Variants in CYLC1 observed in about 807,000 individuals in gnomAD.
CYLC1 encodes the protein cylicin 1, also known as cylicin-1.
Under a neutral mutation model 31.6 loss-of-function variants are expected in CYLC1, and 2 were observed. That is an observed-to-expected ratio of 0.06 (90% CI 0.03 to 0.20). CYLC1 has a LOEUF of 0.20. CYLC1 is among the 10% of genes least tolerant of loss of function. CYLC1 has a pLI of 1.00. For synonymous variants in CYLC1, 185 were observed against 153.0 expected (o/e 1.21, Z -1.54); for missense variants, 595 against 424.1 (o/e 1.40, Z -3.54).
At chrX:83,876,481 TA>T (rs2031761122) in intron 4 of CYLC1, among the ~76,000 whole-genome samples, 1 of 111,338 alleles carries the variant, frequency 9.0e-6, no homozygotes, top group Non-Finnish European at 1.9e-5. Context: ...TAATTTTAAT[TA>T]AAAAATTATC....
At position 83,874,410 on chromosome X, in the gene CYLC1, T is replaced by A. The variant is rs1272654084; in HGVS notation, c.1702T>A (p.Ser568Thr). Residue 568 changes from serine (S) to threonine (T), a missense_variant, in exon 4 of 5, where the codon TCA becomes ACA. Transcript: ENST00000329312. ...IDESDGTSAN[S>T]KMEGLESKRG... ...TGAATCAGATGGCACATCTGCAAAT[T>A]CAAAGATGGAAGGACTGGAATCAAA... 1 of 1,209,730 alleles carries A rather than the reference T, an allele frequency of 8.3e-7. No homozygotes were observed. Among genetic ancestry groups the A allele is most frequent in the South Asian group, 1.8e-5 (1 of 56,871 alleles).
chrX:83,886,446 A>G, intron 4 of CYLC1, 106 bp from the exon 5 acceptor site: 1 of 742,989 alleles, frequency 1.3e-6, no homozygotes, highest in Non-Finnish European at 2.0e-6. Context: ...CCTTTCAACT[A>G]TGACAGTCTG....
intron 4 of CYLC1, among the ~76,000 whole-genome samples, chrX:83,878,792 A>G (rs1471713601): frequency 9.4e-6 from 1 of 106,022 alleles, no homozygotes; most frequent in Non-Finnish European, 1.9e-5. Flanking sequence ...ATCCTGCTCA[A>G]TTGTGTATGG....
At chrX:83,861,511 C>T (rs2031508959) in intron 1 of CYLC1, among the ~76,000 whole-genome samples, 1 of 111,595 alleles carries the variant, frequency 9.0e-6, no homozygotes, top group Admixed American at 9.6e-5. Context: ...TGTGAAAGCA[C>T]TTTAAAATGT....
intron 1 of CYLC1, among the ~76,000 whole-genome samples, chrX:83,861,510 A>T (rs1405534695): frequency 8.9e-6 from 1 of 111,827 alleles, no homozygotes; most frequent in Non-Finnish European, 1.9e-5. Context: ...ATGTGAAAGC[A>T]CTTTAAAATG....
chrX:83,870,149 T>C (rs1239292668), intron 2 of CYLC1, among the ~76,000 whole-genome samples: 1 of 111,856 alleles, frequency 8.9e-6, no homozygotes, highest in Non-Finnish European at 1.9e-5. Context: ...TTATTTAGTT[T>C]GTTCTCCTTC....
At chrX:83,881,843 C>T (rs1206427639) in intron 4 of CYLC1, among the ~76,000 whole-genome samples, 2 of 107,975 alleles carry the variant, frequency 1.9e-5, no homozygotes, top group Admixed American at 1.0e-4. Context: ...ACTATAGGTG[C>T]CCACCACCAC....
intron 3 of CYLC1, 151 bp downstream of exon 3, chrX:83,871,721 G>T (rs1460437783): frequency 2.2e-6 from 1 of 463,530 alleles, no homozygotes; most frequent in Non-Finnish European, 3.4e-6. Flanking sequence ...GCCCCTACCT[G>T]CTTTAGATTA....
At position 83,873,620 on chromosome X, in the gene CYLC1, G is replaced by C; in HGVS notation, c.912G>C (p.Lys304Asn). 2.5e-6 allele frequency: 3 copies of C among 1,192,513 alleles called. No individual in the cohort carries two copies. The highest frequency in any genetic ancestry group is 3.4e-6 in the Non-Finnish European group (3 of 887,088). The change falls in exon 4 of 5, where the codon AAG becomes AAC. Residue 304 changes from lysine (K) to asparagine (N), a missense_variant. Physicochemically the swap from Lys to Asn is moderately conservative, Grantham distance 94. Transcript: ENST00000329312. ...CTGATGCTGAATCTGAAGACTCAAAGGATGCTAAGAAAGATTCAAAGAAAG... is the reference window on the plus strand; with the variant it reads ...CTGATGCTGAATCTGAAGACTCAAACGATGCTAAGAAAGATTCAAAGAAAG... ...KSSDAESEDS[K>N]DAKKDSKKVK... is the part of the protein sequence containing the mutation.
chrX:83,877,428 A>C (rs1164103325), intron 4 of CYLC1, among the ~76,000 whole-genome samples: 1 of 110,428 alleles, frequency 9.1e-6, no homozygotes. Flanking sequence ...AAAATTTCTT[A>C]CCCTAGCTTC....
Position 83,873,449 on chromosome X carries a change from C to T in CYLC1, c.741C>T (p.Phe247=), listed in dbSNP as rs759861502. 2.5e-6 allele frequency: 3 copies of T among 1,201,271 alleles called. No individual in the cohort carries two copies. The highest frequency in any genetic ancestry group is 4.5e-5 in the Admixed American group (2 of 44,678). ...ICSENSLNVD[F]LMLVGQSDDE... Reference sequence around the variant, plus strand: ...CAGAAAATAGTTTAAATGTTGATTTCCTCATGTTAGTGGGACAGTCTGATG... The same window carrying T: ...CAGAAAATAGTTTAAATGTTGATTTTCTCATGTTAGTGGGACAGTCTGATG... Residue 247 remains phenylalanine (F), a synonymous_variant, in exon 4 of 5, where the codon TTC becomes TTT. Transcript: ENST00000329312.
intron 1 of CYLC1, among the ~76,000 whole-genome samples, chrX:83,869,525 A>G (rs987718905): frequency 9.0e-6 from 1 of 110,765 alleles, no homozygotes; most frequent in African/African-American, 3.3e-5. Flanking sequence ...AACTCCATCC[A>G]TAGCCCTGCA....
At chrX:83,876,332 C>A (rs748156957) in intron 4 of CYLC1, among the ~76,000 whole-genome samples, 2 of 109,939 alleles carry the variant, frequency 1.8e-5, no homozygotes, top group African/African-American at 3.3e-5. Context: ...TGTGACAATA[C>A]TTATAAGAAA....
At chrX:83,863,491 C>T (rs961486478) in intron 1 of CYLC1, among the ~76,000 whole-genome samples, 1 of 111,033 alleles carries the variant, frequency 9.0e-6, no homozygotes, top group Non-Finnish European at 1.9e-5. Context: ...CCTCAGTTCC[C>T]TTTATCCCAC....
At position 83,874,285 on chromosome X, in the gene CYLC1, A is replaced by G; in HGVS notation, c.1577A>G (p.Glu526Gly). The change falls in exon 4 of 5, where the codon GAA becomes GGA. Residue 526 changes from glutamate (E) to glycine (G), a missense_variant. By Grantham distance (98) the Glu-to-Gly change is moderately conservative. Transcript: ENST00000329312. ...GAGTCTACTGATGCTGAATTTGATG[A>G]ATCTTCCAAGACAGGCTTTAAAACA... ...DTESTDAEFD[E>G]SSKTGFKTST... The G allele has an allele frequency of 1.7e-6, 2 of 1,209,831 alleles. No homozygotes were observed. The highest frequency in any genetic ancestry group is 2.2e-6 in the Non-Finnish European group (2 of 894,636).
chrX:83,884,835 G>T (rs1012258794), intron 4 of CYLC1, among the ~76,000 whole-genome samples: 4 of 110,271 alleles, frequency 3.6e-5, no homozygotes, highest in Non-Finnish European at 7.6e-5. Flanking sequence ...TGTGAGATTT[G>T]GTGTCTTCTC....
intron 2 of CYLC1, among the ~76,000 whole-genome samples, 189 bp downstream of exon 2, chrX:83,870,094 T>G (rs1387541054): frequency 8.9e-6 from 1 of 111,745 alleles, no homozygotes; most frequent in African/African-American, 3.2e-5. Context: ...TGTGTATATC[T>G]CTGGCCTTGA....
At chrX:83,882,585 C>A (rs763804260) in intron 4 of CYLC1, among the ~76,000 whole-genome samples, 38 of 110,787 alleles carry the variant, frequency 3.4e-4, no homozygotes, top group Non-Finnish European at 6.8e-4. Context: ...TTTCTTGCTA[C>A]TACTTTTCTT....
chrX:83,866,307 A>G (rs1232144682), intron 1 of CYLC1, among the ~76,000 whole-genome samples: 1 of 111,904 alleles, frequency 8.9e-6, no homozygotes, highest in Non-Finnish European at 1.9e-5. Flanking sequence ...TTCTAAGTCA[A>G]ACTGAGTAAA....
Sources: allele counts gnomAD v4.1 joint callset (sites outside exome capture counted in the v4.1 genomes callset), GRCh38; gene constraint gnomAD v4.1.1; transcripts MANE v1.5; gene names NCBI Gene and HGNC (gene_info 2026-07-23, HGNC 2026-07-21).